The following DIAPH2 variants were observed in gnomAD, a reference collection of about 807,000 sequenced individuals.
DIAPH2 encodes the protein diaphanous related formin 2.
A neutral mutation model predicts 92.7 loss-of-function variants in DIAPH2; 35 were observed. The ratio of observed to expected loss-of-function variants is 0.38; its 90% CI spans 0.29 to 0.50. The LOEUF is 0.50. DIAPH2 is among the 20% of genes least tolerant of loss of function. The pLI is 0.94. For synonymous variants in DIAPH2, 301 were observed against 280.4 expected (o/e 1.07, Z -0.73); for missense variants, 701 against 819.5 (o/e 0.86, Z 1.77).
At chrX:97,150,106 G>T (rs1192689841) in intron 22 of DIAPH2, among the ~76,000 whole-genome samples, 5 of 111,210 alleles carry the variant, frequency 4.5e-5, no homozygotes, top group African/African-American at 1.6e-4. Flanking sequence ...TATAATTACA[G>T]TGTTGTACAG....
intron 23 of DIAPH2, among the ~76,000 whole-genome samples, chrX:97,345,890 A>G: frequency 9.0e-6 from 1 of 111,717 alleles, no homozygotes; most frequent in South Asian, 3.7e-4. Flanking sequence ...CTGAGTGGGA[A>G]ATTTTAGTTG....
At chrX:97,571,133 A>G (rs1433675637) in intron 26 of DIAPH2, among the ~76,000 whole-genome samples, 1 of 111,385 alleles carries the variant, frequency 9.0e-6, no homozygotes, top group African/African-American at 3.3e-5. Flanking sequence ...TTTTTCTTTA[A>G]TGTTATATGA....
intron 4 of DIAPH2, among the ~76,000 whole-genome samples, chrX:96,770,415 T>G (rs2064331468): frequency 9.0e-6 from 1 of 111,731 alleles, no homozygotes; most frequent in African/African-American, 3.3e-5. Flanking sequence ...CCTCACGTAA[T>G]ATTACACTTG....
chrX:97,406,834 C>T (rs1404845063), intron 25 of DIAPH2, among the ~76,000 whole-genome samples: 5 of 111,347 alleles, frequency 4.5e-5, no homozygotes, highest in Non-Finnish European at 7.5e-5. Flanking sequence ...ATAAAAAGAA[C>T]AAAATATTGC....
chrX:97,198,629 C>A (rs1002601238), intron 22 of DIAPH2, among the ~76,000 whole-genome samples: 4 of 111,560 alleles, frequency 3.6e-5, no homozygotes, highest in Non-Finnish European at 7.5e-5. Context: ...TTCTTCTGAT[C>A]TTTTATTCCA....
intron 4 of DIAPH2, among the ~76,000 whole-genome samples, chrX:96,845,870 T>A (rs2147706579): frequency 8.9e-6 from 1 of 112,039 alleles, no homozygotes; most frequent in African/African-American, 3.2e-5. Flanking sequence ...AACCTCCGAC[T>A]CCTGGGTTCA....
chrX:97,241,915 A>G (rs2068098474), intron 22 of DIAPH2, among the ~76,000 whole-genome samples: 1 of 106,396 alleles, frequency 9.4e-6, no homozygotes, highest in Non-Finnish European at 1.9e-5. Context: ...AGCTGGGATT[A>G]CAGGCGCCCA....
chrX:97,195,513 T>C lies in DIAPH2; in HGVS notation c.2720-52202T>C, dbSNP rs1290953851. Among the ~76,000 whole-genome samples the C allele has an allele frequency of 5.5e-5, 6 of 109,710 alleles. No homozygotes were observed. The East Asian group carries it at 1.4e-3, about 26-fold the overall frequency. On this transcript the variant is annotated intron_variant, in intron 22 of 26. Coordinates refer to ENST00000324765, the MANE Select transcript of DIAPH2 (RefSeq NM_006729.5). The stretch of plus-strand genomic sequence containing the variant: ...CCGTCTCTACTAAAAATACAAAAAT[T>C]AGCTGGGCATGGTAGTGCACACCTG...
intron 17 of DIAPH2, among the ~76,000 whole-genome samples, chrX:96,990,161 G>A (rs996979026): frequency 8.9e-6 from 1 of 112,262 alleles, no homozygotes; most frequent in Non-Finnish European, 1.9e-5. Context: ...CCTAGAGAAA[G>A]TAGAGAGCTA....
At chrX:97,395,671 C>T (rs2069697969) in intron 25 of DIAPH2, among the ~76,000 whole-genome samples, 2 of 111,450 alleles carry the variant, frequency 1.8e-5, no homozygotes, top group South Asian at 3.8e-4. Flanking sequence ...CTTCAGTTCT[C>T]GGGAAATAAG....
intron 1 of DIAPH2, among the ~76,000 whole-genome samples, chrX:96,693,596 A>T (rs2063809267): frequency 8.9e-6 from 1 of 112,279 alleles, no homozygotes. Context: ...GTGAGACCAC[A>T]GAGGTCACAC....
intron 4 of DIAPH2, among the ~76,000 whole-genome samples, chrX:96,781,682 AT>A (rs1223642209): frequency 9.1e-6 from 1 of 109,907 alleles, no homozygotes; most frequent in East Asian, 2.8e-4. Context: ...TACAAACATT[AT>A]ATTACATAAA....
chrX:96,743,977 AACTT>A (rs1347824568), intron 3 of DIAPH2, among the ~76,000 whole-genome samples: 289 of 111,170 alleles, frequency 2.6e-3, no homozygotes, highest in African/African-American at 8.8e-3. Flanking sequence ...CAATTAAAAA[AACTT>A]ATTTATAAAT....
At chrX:96,717,125 A>G (rs1298317458) in intron 1 of DIAPH2, among the ~76,000 whole-genome samples, 1 of 111,838 alleles carries the variant, frequency 8.9e-6, no homozygotes, top group Non-Finnish European at 1.9e-5. Flanking sequence ...TTTTCCAATT[A>G]TTTGGGGATT....
intron 25 of DIAPH2, among the ~76,000 whole-genome samples, chrX:97,396,865 C>G (rs2069709531): frequency 9.0e-6 from 1 of 111,656 alleles, no homozygotes; most frequent in Non-Finnish European, 1.9e-5. Context: ...TTATGTGTGT[C>G]TGTTCTGTAA....
chrX:96,974,693 C>T (rs2065949533), intron 17 of DIAPH2, among the ~76,000 whole-genome samples: 2 of 111,190 alleles, frequency 1.8e-5, no homozygotes, highest in African/African-American at 6.5e-5. Flanking sequence ...TATATATGTT[C>T]TAGTTTTGTT....
chrX:97,389,678 G>GT (rs1481414039), intron 25 of DIAPH2, among the ~76,000 whole-genome samples: 2 of 110,879 alleles, frequency 1.8e-5, no homozygotes, highest in Non-Finnish European at 3.8e-5. Flanking sequence ...CTGCTGCACA[G>GT]TAACAGACCA....
At chrX:97,451,957 G>C (rs1342285373) in intron 26 of DIAPH2, among the ~76,000 whole-genome samples, 1 of 111,359 alleles carries the variant, frequency 9.0e-6, no homozygotes, top group East Asian at 2.8e-4. Flanking sequence ...TCCTAGGTAA[G>C]CTATGCTATT....
At chrX:96,740,407 T>G (rs1170980654) in intron 3 of DIAPH2, among the ~76,000 whole-genome samples, 3 of 112,574 alleles carry the variant, frequency 2.7e-5, no homozygotes, top group Non-Finnish European at 5.6e-5. Flanking sequence ...ACTTTTTATC[T>G]TTTTAAATCT....
Sources: gnomAD v4.1 joint callset for allele counts (sites outside exome capture counted in the v4.1 genomes callset) on GRCh38, gnomAD v4.1.1 for gene constraint, MANE v1.5 for transcripts, NCBI Gene and HGNC (gene_info 2026-07-23, HGNC 2026-07-21) for gene names.